RBFOX1: variants seen among roughly 807,000 people sequenced by gnomAD.
The protein encoded by RBFOX1 is RNA binding fox-1 homolog 1, also known as RNA binding protein fox-1 homolog 1.
Under a neutral mutation model 57.7 loss-of-function variants are expected in RBFOX1, and 8 were observed. The ratio of observed to expected loss-of-function variants is 0.14; its 90% CI spans 0.08 to 0.25. RBFOX1 has a LOEUF of 0.25. Among genes scored for constraint, RBFOX1 ranks in the 10% least tolerant of loss-of-function variants. The probability of loss-of-function intolerance (pLI) is 1.00; values close to 1 mark genes in which losing one functional copy is unlikely to be tolerated. For synonymous variants in RBFOX1, 326 were observed against 222.4 expected (o/e 1.47, Z -4.15); for missense variants, 611 against 548.5 (o/e 1.11, Z -1.14).
chr16:6,890,237 G>A (rs1053755462), intron 3 of RBFOX1, among the ~76,000 whole-genome samples: 33 of 152,306 alleles, frequency 2.2e-4, no homozygotes, highest in African/African-American at 7.5e-4. Context: ...AACCTAAGGA[G>A]GGTGGGCATG....
chr16:5,998,346 A>G (rs886772083), intron 4 of RBFOX1, among the ~76,000 whole-genome samples: 4 of 152,358 alleles, frequency 2.6e-5, no homozygotes, highest in African/African-American at 4.8e-5. Flanking sequence ...TTACACTGAC[A>G]TTTACATTTG....
intron 4 of RBFOX1, among the ~76,000 whole-genome samples, chr16:7,325,340 A>C (rs552532359): frequency 6.6e-6 from 1 of 152,364 alleles, no homozygotes; most frequent in East Asian, 1.9e-4. Context: ...CACACAGCTG[A>C]TAACTGGTAG....
At chr16:6,348,563 C>G (rs1028172078) in intron 2 of RBFOX1, among the ~76,000 whole-genome samples, 14 of 152,246 alleles carry the variant, frequency 9.2e-5, no homozygotes, top group African/African-American at 3.1e-4. Flanking sequence ...GATCATGGTT[C>G]TGCACGCTGT....
chr16:5,746,084 A>G (rs1469464127), intron 3 of RBFOX1, among the ~76,000 whole-genome samples: 5 of 152,226 alleles, frequency 3.3e-5, no homozygotes, highest in African/African-American at 1.2e-4. Flanking sequence ...CTAACATTTA[A>G]GTCTTGAATC....
intron 1 of RBFOX1, among the ~76,000 whole-genome samples, chr16:6,284,406 C>T (rs568248409): frequency 2.4e-4 from 36 of 152,182 alleles, no homozygotes; most frequent in African/African-American, 8.2e-4. Flanking sequence ...GCTAATGAGG[C>T]CCTCACATAT....
At chr16:6,870,234 G>C (rs1376899101) in intron 3 of RBFOX1, among the ~76,000 whole-genome samples, 1 of 152,248 alleles carries the variant, frequency 6.6e-6, no homozygotes, top group African/African-American at 2.4e-5. Flanking sequence ...AGAGTTAGCA[G>C]CCTGGGGTGG....
At chr16:6,592,496 G>T (rs578057600) in intron 2 of RBFOX1, among the ~76,000 whole-genome samples, 2 of 152,190 alleles carry the variant, frequency 1.3e-5, no homozygotes, top group Non-Finnish European at 2.9e-5. Flanking sequence ...GTAAAATGGA[G>T]CGTGCATTTG....
intron 2 of RBFOX1, among the ~76,000 whole-genome samples, chr16:6,634,952 T>C (rs2098420075): frequency 7.1e-6 from 1 of 141,184 alleles, no homozygotes; most frequent in Non-Finnish European, 1.5e-5. Flanking sequence ...TAATTTAGTT[T>C]ATAATTATTA....
Position 7,146,315 on chromosome 16 carries a change from A to G in RBFOX1, c.27+94217A>G, listed in dbSNP as rs986746758. ...TGATAGCTCTGCTTGCTTGCAATAT[A>G]TGTTGCCTTTGAAATGCACTTGCAG... On this transcript the variant is annotated intron_variant, in intron 4 of 15. Coordinates refer to ENST00000550418, the MANE Select transcript of RBFOX1 (RefSeq NM_018723.4). Among the ~76,000 whole-genome samples the G allele has an allele frequency of 4.6e-5, 7 of 152,202 alleles. No individual in the cohort carries two copies. In the East Asian group the frequency reaches 1.2e-3, roughly 25 times the overall value.
At chr16:6,194,662 C>T (rs117377107) in intron 1 of RBFOX1, among the ~76,000 whole-genome samples, 1 of 152,308 alleles carries the variant, frequency 6.6e-6, no homozygotes, top group East Asian at 1.9e-4. Flanking sequence ...CCCTGAGTGC[C>T]ACTGGCTCTT....
intron 1 of RBFOX1, among the ~76,000 whole-genome samples, chr16:5,251,260 G>A (rs1214264528): frequency 2.6e-5 from 4 of 152,228 alleles, no homozygotes; most frequent in African/African-American, 4.8e-5. Flanking sequence ...GCCTTCTTCA[G>A]TTTCCTCAAA....
rs2044448796 is a variant in RBFOX1, at chr16:5,530,937, A to T, written c.258+63683A>T. On this transcript the variant is annotated intron_variant, in intron 2 of 2. Transcript: ENST00000585867. ...ACCCTGTCTCTACTAAAAATATAAAAAAAAAAAAAAAAAAAAAAAAAAAAA... is the reference window on the plus strand; with the variant it reads ...ACCCTGTCTCTACTAAAAATATAAATAAAAAAAAAAAAAAAAAAAAAAAAA... Among the ~76,000 whole-genome samples, 3 of 11,772 alleles carry T rather than the reference A, an allele frequency of 2.5e-4. No homozygotes were observed. In the African/African-American group the frequency reaches 2.9e-3, roughly 11 times the overall value. 7.7% of individuals were successfully genotyped at this position (11,772 alleles called of 152,430 possible).
chr16:7,267,608 A>G (rs1222548377), intron 4 of RBFOX1, among the ~76,000 whole-genome samples: 1 of 151,482 alleles, frequency 6.6e-6, no homozygotes, highest in Non-Finnish European at 1.5e-5. Flanking sequence ...TAATCGTAGT[A>G]CTTTGGGAGG....
chr16:6,507,304 T>C (rs559355541), intron 2 of RBFOX1, among the ~76,000 whole-genome samples: 183 of 151,814 alleles, frequency 1.2e-3, no homozygotes, highest in Non-Finnish European at 1.9e-3. Flanking sequence ...AAAAAAGAGG[T>C]GGAAGCAACT....
intron 1 of RBFOX1, among the ~76,000 whole-genome samples, chr16:6,095,275 G>C (rs1450157835): frequency 6.6e-6 from 1 of 152,192 alleles, no homozygotes; most frequent in Non-Finnish European, 1.5e-5. Context: ...ATACAAATAA[G>C]TGAAGTCAAG....
chr16:7,567,338 C>CTT (rs1567865852), intron 5 of RBFOX1, among the ~76,000 whole-genome samples: 1 of 15,250 alleles, frequency 6.6e-5, no homozygotes, highest in Admixed American at 4.6e-4. Flanking sequence ...TATATATGGC[C>CTT]CTATATATAT....
At position 7,702,621 on chromosome 16, in the gene RBFOX1, G is replaced by T. The variant is rs72778521; in HGVS notation, c.996-6435G>T. Among the ~76,000 whole-genome samples, 5 of 152,162 alleles carry T rather than the reference G, an allele frequency of 3.3e-5. No individual in the cohort carries two copies. The East Asian group carries it at 9.7e-4, about 30-fold the overall frequency. On this transcript the variant is annotated intron_variant, in intron 14 of 15. Transcript: ENST00000550418. Reference sequence around the variant, plus strand: ...GTGCTGCAGAACTCAGAAGCCATGCGCCCTCCCCTTCTGGTCTTGTTCTTT... The same window carrying T: ...GTGCTGCAGAACTCAGAAGCCATGCTCCCTCCCCTTCTGGTCTTGTTCTTT...
chr16:5,779,465 C>T (rs919608785), intron 3 of RBFOX1, among the ~76,000 whole-genome samples: 4 of 152,178 alleles, frequency 2.6e-5, no homozygotes, highest in Admixed American at 2.6e-4. Flanking sequence ...CATTATATTA[C>T]ATGACTTATT....
At chr16:6,977,107 A>G (rs1172366079) in intron 3 of RBFOX1, among the ~76,000 whole-genome samples, 1 of 140,914 alleles carries the variant, frequency 7.1e-6, no homozygotes, top group Non-Finnish European at 1.5e-5. Context: ...TATATCATAT[A>G]TATGATCTAT....
Sources: allele counts gnomAD v4.1 joint callset (sites outside exome capture counted in the v4.1 genomes callset), GRCh38; gene constraint gnomAD v4.1.1; transcripts MANE v1.5; gene names NCBI Gene and HGNC (gene_info 2026-07-23, HGNC 2026-07-21).